The following EXT2 variants were observed in gnomAD, a reference collection of about 807,000 sequenced individuals.
The protein encoded by EXT2 is exostosin-2.
A neutral mutation model predicts 81.6 loss-of-function variants in EXT2; 53 were observed. The observed-to-expected ratio is 0.65, with a 90% confidence interval of 0.52 to 0.82. EXT2 has a LOEUF of 0.82. EXT2 is among the 40% of genes least tolerant of loss of function. EXT2 has a pLI of 0.00. For missense variants in EXT2, 774 were observed against 910.2 expected, an observed-to-expected ratio of 0.85 and a Z score of 1.93; for synonymous variants, 320 against 340.0, an observed-to-expected ratio of 0.94 and a Z score of 0.65.
chr11:44,223,328 G>A (rs1955802274), intron 10 of EXT2, among the ~76,000 whole-genome samples: 2 of 152,196 alleles, frequency 1.3e-5, no homozygotes, highest in South Asian at 4.1e-4. Context: ...AAACCTATAT[G>A]TGAATGTTTG....
At chr11:44,145,676 A>G (rs1290832061) in intron 7 of EXT2, among the ~76,000 whole-genome samples, 1 of 152,212 alleles carries the variant, frequency 6.6e-6, no homozygotes, top group African/African-American at 2.4e-5. Flanking sequence ...GGCTGAGTAG[A>G]TGGCCTGAGG....
At chr11:44,231,917 CT>C (rs202021394) in intron 10 of EXT2, among the ~76,000 whole-genome samples, 2 of 151,904 alleles carry the variant, frequency 1.3e-5, no homozygotes, top group Non-Finnish European at 2.9e-5. Flanking sequence ...GAAATAGATG[CT>C]TTTTTTTAAT....
intron 10 of EXT2, among the ~76,000 whole-genome samples, chr11:44,208,646 G>C (rs543890619): frequency 4.6e-4 from 70 of 152,266 alleles, no homozygotes; most frequent in African/African-American, 1.7e-3. Flanking sequence ...TAACAACCTT[G>C]TATATACAAC....
intron 7 of EXT2, among the ~76,000 whole-genome samples, chr11:44,155,181 A>G (rs945449020): frequency 7.9e-5 from 12 of 152,090 alleles, no homozygotes; most frequent in Non-Finnish European, 1.3e-4. Context: ...GCCTAGACCA[A>G]TGTCCTGGAC....
At chr11:44,162,575 C>CAAAAAAAA (rs746211630) in intron 7 of EXT2, among the ~76,000 whole-genome samples, 1 of 45,876 alleles carries the variant, frequency 2.2e-5, no homozygotes, top group African/African-American at 8.1e-5. Flanking sequence ...GACTCCATCT[C>CAAAAAAAA]AAAAAAAAAA....
In EXT2 at chr11:44,215,033, T is replaced by G. The variant is rs528616566; in HGVS notation, c.1662+8074T>G. 1.1e-3 allele frequency among the ~76,000 whole-genome samples: 161 copies of G among 152,248 alleles called. 1 individual carries two copies. Among genetic ancestry groups the G allele is most frequent in the African/African-American group, 3.6e-3 (151 of 41,548 alleles). ...GCCTCGGCCTCCCAAAGCACTGGGG[T>G]TACAGGCATGAGCCACTGCACCTGG... On this transcript the variant is annotated intron_variant, in intron 10 of 13. Coordinates refer to ENST00000533608, the MANE Select transcript of EXT2 (RefSeq NM_207122.2).
intron 10 of EXT2, among the ~76,000 whole-genome samples, chr11:44,208,999 G>C (rs1297112272): frequency 2.0e-5 from 3 of 152,168 alleles, no homozygotes; most frequent in African/African-American, 7.2e-5. Flanking sequence ...CCTACCATTG[G>C]TGCTTTAGGG....
chr11:44,099,947 C>T (rs972301148), intron 1 of EXT2, among the ~76,000 whole-genome samples: 3 of 152,156 alleles, frequency 2.0e-5, no homozygotes, highest in African/African-American at 7.2e-5. Flanking sequence ...TGGGAGTTCG[C>T]TTAGCTTGTG....
chr11:44,105,860 A>G (rs933853196), intron 1 of EXT2, among the ~76,000 whole-genome samples: 1 of 152,216 alleles, frequency 6.6e-6, no homozygotes, highest in Non-Finnish European at 1.5e-5. Flanking sequence ...CTATAGCTGT[A>G]TAACAAACCA....
rs1956131664 is a variant in EXT2, at chr11:44,250,727, C to G, written c.*6440C>G. ...CGTCCATCCGGTGCCTGGTGAGGGC[C>G]CTGCATGGCTGGCTGCTGTCTGAAG... On this transcript the variant is annotated 3_prime_UTR_variant, in exon 14 of 14. Transcript: ENST00000533608. Among the ~76,000 whole-genome samples the G allele has an allele frequency of 6.6e-6, 1 of 152,180 alleles. No individual in the cohort carries two copies. The highest frequency in any genetic ancestry group is 1.5e-5 in the Non-Finnish European group (1 of 68,024).
chr11:44,147,587 G>A (rs553780909), intron 7 of EXT2, among the ~76,000 whole-genome samples: 59 of 152,068 alleles, frequency 3.9e-4, no homozygotes, highest in Non-Finnish European at 7.1e-4. Flanking sequence ...TTGAGACAGA[G>A]TCCTGCTCTG....
At chr11:44,163,638 G>A (rs1954955624) in intron 7 of EXT2, among the ~76,000 whole-genome samples, 1 of 152,210 alleles carries the variant, frequency 6.6e-6, no homozygotes, top group South Asian at 2.1e-4. Context: ...AAATAAATCC[G>A]TGATGCATGG....
intron 3 of EXT2, among the ~76,000 whole-genome samples, chr11:44,109,869 A>G (rs535708214): frequency 2.6e-5 from 4 of 152,200 alleles, no homozygotes; most frequent in African/African-American, 7.2e-5. Context: ...AGTGACTTTG[A>G]GTTCACTCAC....
intron 8 of EXT2, among the ~76,000 whole-genome samples, chr11:44,190,665 A>G (rs1244993074): frequency 6.6e-6 from 1 of 152,222 alleles, no homozygotes; most frequent in Non-Finnish European, 1.5e-5. Flanking sequence ...TCAGTGCTAC[A>G]GTTTGGTTTG....
chr11:44,207,034 G>A (rs1200357346), intron 10 of EXT2, 75 bp downstream of exon 10: 10 of 1,489,424 alleles, frequency 6.7e-6, no homozygotes, highest in Admixed American at 1.7e-5. Context: ...CTAAAAAAGA[G>A]TATTATATTT....
chr11:44,179,999 G>C (rs1955213010), intron 8 of EXT2, among the ~76,000 whole-genome samples: 1 of 152,218 alleles, frequency 6.6e-6, no homozygotes, highest in Non-Finnish European at 1.5e-5. Flanking sequence ...ACCAGAGGTT[G>C]ATTCTTGACT....
intron 8 of EXT2, 170 bp downstream of exon 8, chr11:44,171,912 C>CA: frequency 1.0e-6 from 1 of 955,730 alleles, no homozygotes; most frequent in Non-Finnish European, 1.6e-6. Context: ...GAAACACTGA[C>CA]AAAAGTAAAA....
chr11:44,194,398 A>G (rs1020069046), intron 8 of EXT2, among the ~76,000 whole-genome samples: 13 of 152,192 alleles, frequency 8.5e-5, no homozygotes, highest in African/African-American at 2.4e-4. Context: ...TTTGTCTTAG[A>G]AAAGAGCTAG....
intron 9 of EXT2, among the ~76,000 whole-genome samples, chr11:44,200,806 C>T (rs540239855): frequency 6.6e-6 from 1 of 152,288 alleles, no homozygotes; most frequent in Non-Finnish European, 1.5e-5. Flanking sequence ...GCAGGATGGA[C>T]TTGGGGTCAT....
Sources: allele counts gnomAD v4.1 joint callset (sites outside exome capture counted in the v4.1 genomes callset), GRCh38; gene constraint gnomAD v4.1.1; transcripts MANE v1.5; gene names NCBI Gene and HGNC (gene_info 2026-07-23, HGNC 2026-07-21).